CCDC192: variants seen among roughly 807,000 people sequenced by gnomAD.
CCDC192 encodes the protein coiled-coil domain-containing protein 192.
At chr5:127,809,593 C>G (rs1226799256) in intron 5 of CCDC192, among the ~76,000 whole-genome samples, 1 of 152,168 alleles carries the variant, frequency 6.6e-6, no homozygotes, top group Admixed American at 6.5e-5. Flanking sequence ...TTGGCTGTTT[C>G]TGTAATTTCC....
At chr5:127,770,190 C>T (rs566111956) in intron 3 of CCDC192, among the ~76,000 whole-genome samples, 1 of 152,236 alleles carries the variant, frequency 6.6e-6, no homozygotes, top group East Asian at 1.9e-4. Context: ...GTTCAAATGA[C>T]CCTCCCACCT....
In CCDC192 at chr5:127,714,705, A is replaced by G. The variant is rs1429433660; in HGVS notation, c.114+6945A>G. Among the ~76,000 whole-genome samples, 4 of 151,892 alleles carry G rather than the reference A, an allele frequency of 2.6e-5. No homozygotes were observed. The East Asian group carries it at 7.7e-4, about 29-fold the overall frequency. On this transcript the variant is annotated intron_variant, in intron 2 of 6. Coordinates refer to ENST00000514853, the MANE Select transcript of CCDC192 (RefSeq NM_001317938.2). ...TTTTTAATTTTTAAGGTACCTCCCTACTCTTTTCCACAGTGGTTGTACTAA... is the reference window on the plus strand; with the variant it reads ...TTTTTAATTTTTAAGGTACCTCCCTGCTCTTTTCCACAGTGGTTGTACTAA...
intron 5 of CCDC192, among the ~76,000 whole-genome samples, chr5:127,831,988 G>T (rs962821364): frequency 2.6e-5 from 4 of 151,624 alleles, no homozygotes; most frequent in Admixed American, 6.6e-5. Flanking sequence ...CAAATAAATA[G>T]AAGGAATTAA....
At chr5:127,791,467 A>G (rs1162200943) in intron 3 of CCDC192, among the ~76,000 whole-genome samples, 1 of 152,244 alleles carries the variant, frequency 6.6e-6, no homozygotes, top group Non-Finnish European at 1.5e-5. Flanking sequence ...AAAAATAACT[A>G]CTGAACTGGC....
Position 127,941,417 on chromosome 5 carries a change from A to G in CCDC192, c.771A>G (p.Pro257=). The part of the protein sequence containing the change: ...KDPPGCLPEA[P]VFSTHDIPPV... ...CTCCAGGATGTTTACCAGAAGCCCC[A>G]GTTTTCTCTACTCATGACATCCCAC... Residue 257 remains proline (P), a synonymous_variant, in exon 7 of 7, where the codon CCA becomes CCG. Coordinates refer to ENST00000514853, the MANE Select transcript of CCDC192 (RefSeq NM_001317938.2). The G allele has an allele frequency of 2.5e-6, 1 of 399,054 alleles. No homozygotes were observed. Among genetic ancestry groups the G allele is most frequent in the Non-Finnish European group, 4.4e-6 (1 of 226,058 alleles). The allele number at this position is 399,054 out of a possible 1,614,324, so 24.7% of individuals were successfully genotyped here. A position where few individuals can be genotyped will look rare whatever the true frequency, so the allele number is the denominator to read the frequency against.
chr5:127,820,054 T>A (rs188321950), intron 5 of CCDC192, among the ~76,000 whole-genome samples: 31 of 152,334 alleles, frequency 2.0e-4, no homozygotes, highest in African/African-American at 7.5e-4. Flanking sequence ...TCTTACTGAT[T>A]GTGTTATTTT....
At chr5:127,911,934 T>C (rs1441217806) in intron 6 of CCDC192, among the ~76,000 whole-genome samples, 1 of 151,912 alleles carries the variant, frequency 6.6e-6, no homozygotes, top group Non-Finnish European at 1.5e-5. Context: ...ACCAAATTTT[T>C]TTTTTCGGAT....
At chr5:127,717,825 G>C (rs942730900) in intron 2 of CCDC192, among the ~76,000 whole-genome samples, 21 of 147,976 alleles carry the variant, frequency 1.4e-4, no homozygotes, top group African/African-American at 4.7e-4. Flanking sequence ...AAGTCACATA[G>C]TCCCAAAAAC....
intron 5 of CCDC192, among the ~76,000 whole-genome samples, chr5:127,831,722 A>T (rs951428587): frequency 1.3e-5 from 2 of 152,182 alleles, no homozygotes; most frequent in Non-Finnish European, 2.9e-5. Flanking sequence ...AAACATAATT[A>T]AAAATACACT....
chr5:127,715,432 T>C (rs1171963523), intron 2 of CCDC192, among the ~76,000 whole-genome samples: 1 of 152,198 alleles, frequency 6.6e-6, no homozygotes, highest in Non-Finnish European at 1.5e-5. Flanking sequence ...CAGTTGGCTG[T>C]AAATGTGTGG....
At chr5:127,923,669 G>A (rs112798343) in intron 6 of CCDC192, among the ~76,000 whole-genome samples, 10,287 of 152,072 alleles carry the variant, frequency 0.068, 810 homozygotes, top group East Asian at 0.32. Context: ...GAGCCTCCGC[G>A]CCCGGCCTTT....
intron 5 of CCDC192, among the ~76,000 whole-genome samples, chr5:127,832,200 C>A (rs1170564482): frequency 6.6e-6 from 1 of 152,134 alleles, no homozygotes; most frequent in Non-Finnish European, 1.5e-5. Context: ...CAGTGAGGTA[C>A]AATTTCACAC....
At chr5:127,800,154 A>G (rs1757400985) in intron 5 of CCDC192, among the ~76,000 whole-genome samples, 1 of 151,972 alleles carries the variant, frequency 6.6e-6, no homozygotes, top group Non-Finnish European at 1.5e-5. Flanking sequence ...GTGTTTATAA[A>G]GGTTCTATCT....
chr5:127,749,812 A>T (rs1469939756), intron 2 of CCDC192, among the ~76,000 whole-genome samples: 2 of 152,158 alleles, frequency 1.3e-5, no homozygotes, highest in Non-Finnish European at 2.9e-5. Context: ...GTCTATTCAG[A>T]GATTCAACTT....
At chr5:127,813,545 C>T (rs1758198337) in intron 5 of CCDC192, among the ~76,000 whole-genome samples, 1 of 151,948 alleles carries the variant, frequency 6.6e-6, no homozygotes. Flanking sequence ...TTTTATGTGC[C>T]ATTTACTGAG....
chr5:127,785,109 C>T (rs530980765), intron 3 of CCDC192: 13 of 518,978 alleles, frequency 2.5e-5, no homozygotes, highest in Non-Finnish European at 5.1e-5. Context: ...TGTACTGAAG[C>T]AGGATTGCCG....
chr5:127,912,435 A>AAAAAAAAAAAAAAAAAAAG (rs1753399588), intron 6 of CCDC192, among the ~76,000 whole-genome samples: 1 of 151,308 alleles, frequency 6.6e-6, no homozygotes, highest in Non-Finnish European at 1.5e-5. Context: ...AAAAAAAAAA[A>AAAAAAAAAAAAAAAAAAAG]AAAAATGAAG....
At chr5:127,894,760 G>T (rs1752831301) in intron 6 of CCDC192, among the ~76,000 whole-genome samples, 1 of 152,330 alleles carries the variant, frequency 6.6e-6, no homozygotes, top group South Asian at 2.1e-4. Flanking sequence ...AAATCTGTAA[G>T]ATTTTAGAAC....
intron 6 of CCDC192, among the ~76,000 whole-genome samples, chr5:127,894,471 G>A (rs746818693): frequency 3.9e-5 from 6 of 152,054 alleles, no homozygotes; most frequent in African/African-American, 7.2e-5. Flanking sequence ...GATTACACGC[G>A]TGAGCCACCG....
Sources: allele counts gnomAD v4.1 joint callset (sites outside exome capture counted in the v4.1 genomes callset), GRCh38; gene constraint gnomAD v4.1.1; transcripts MANE v1.5; gene names NCBI Gene and HGNC (gene_info 2026-07-23, HGNC 2026-07-21).